Variants in PARD3B observed in about 807,000 individuals in gnomAD.
PARD3B encodes the protein par-3 family cell polarity regulator beta.
A neutral mutation model predicts 130.2 loss-of-function variants in PARD3B; 103 were observed. The observed-to-expected ratio is 0.79, with a 90% confidence interval of 0.67 to 0.93. The LOEUF is 0.93. PARD3B is among the 40% of genes least tolerant of loss of function. The pLI is 0.00. For missense variants in PARD3B, 1,609 were observed against 1,499.2 expected (o/e 1.07, Z -1.21); for synonymous variants, 583 against 553.2 (o/e 1.05, Z -0.76).
At chr2:204,714,777 A>T (rs574271625) in intron 2 of PARD3B, among the ~76,000 whole-genome samples, 18 of 152,302 alleles carry the variant, frequency 1.2e-4, no homozygotes, top group African/African-American at 3.8e-4. Context: ...ACACACCCAG[A>T]ATGAACCCAT....
At chr2:204,547,077 C>G (rs760356471) in intron 1 of PARD3B, among the ~76,000 whole-genome samples, 1 of 152,168 alleles carries the variant, frequency 6.6e-6, no homozygotes, top group Admixed American at 6.5e-5. Context: ...CAATGGTTCT[C>G]TTAATATTTG....
intron 15 of PARD3B, among the ~76,000 whole-genome samples, chr2:205,198,028 AC>A (rs1477121984): frequency 6.6e-6 from 1 of 152,154 alleles, no homozygotes; most frequent in Non-Finnish European, 1.5e-5. Flanking sequence ...GTGTTTTATG[AC>A]CCCATAATAC....
intron 2 of PARD3B, among the ~76,000 whole-genome samples, chr2:204,862,776 C>A (rs76614976): frequency 6.6e-6 from 1 of 152,094 alleles, no homozygotes; most frequent in Non-Finnish European, 1.5e-5. Context: ...AGGTTCTTGT[C>A]ACACGACCAG....
intron 15 of PARD3B, among the ~76,000 whole-genome samples, chr2:205,213,762 G>T (rs532995894): frequency 6.6e-6 from 1 of 152,102 alleles, no homozygotes; most frequent in Non-Finnish European, 1.5e-5. Flanking sequence ...TTTGGGAAAG[G>T]CTGATAAAAA....
intron 18 of PARD3B, among the ~76,000 whole-genome samples, chr2:205,302,726 T>C (rs2042054480): frequency 6.6e-6 from 1 of 152,062 alleles, no homozygotes; most frequent in Non-Finnish European, 1.5e-5. Flanking sequence ...ACTTGTCACC[T>C]CCAGAGGCAC....
At chr2:205,006,536 T>C (rs939193719) in intron 3 of PARD3B, among the ~76,000 whole-genome samples, 5 of 152,232 alleles carry the variant, frequency 3.3e-5, no homozygotes, top group Non-Finnish European at 4.4e-5. Flanking sequence ...ATAGTGGTTT[T>C]AATTTTTGCA....
At chr2:204,824,046 A>G (rs1351265368) in intron 2 of PARD3B, among the ~76,000 whole-genome samples, 14 of 152,164 alleles carry the variant, frequency 9.2e-5, no homozygotes, top group Non-Finnish European at 4.4e-5. Flanking sequence ...AGTTCTGAAG[A>G]TAAAGCACTT....
intron 2 of PARD3B, among the ~76,000 whole-genome samples, chr2:204,800,521 G>T (rs1187697379): frequency 6.6e-6 from 1 of 152,128 alleles, no homozygotes. Context: ...CAGGGTTTAA[G>T]TACAAGAGTG....
intron 2 of PARD3B, among the ~76,000 whole-genome samples, chr2:204,694,446 T>C (rs979466613): frequency 6.6e-6 from 1 of 152,070 alleles, no homozygotes; most frequent in African/African-American, 2.4e-5. Context: ...GATGATTGTT[T>C]AAAATATTTT....
chr2:205,614,043 C>CA (rs760956092), intron 22 of PARD3B, among the ~76,000 whole-genome samples: 2 of 151,860 alleles, frequency 1.3e-5, no homozygotes, highest in Non-Finnish European at 2.9e-5. Context: ...GGGGGAGTGG[C>CA]AAAAAAATGG....
chr2:205,110,069 T>G (rs985079200), intron 5 of PARD3B, among the ~76,000 whole-genome samples: 1 of 152,156 alleles, frequency 6.6e-6, no homozygotes, highest in Non-Finnish European at 1.5e-5. Flanking sequence ...GGGATACACT[T>G]TCTCTGTAAT....
intron 4 of PARD3B, among the ~76,000 whole-genome samples, chr2:205,052,617 A>C (rs1699303701): frequency 6.6e-6 from 1 of 151,642 alleles, no homozygotes; most frequent in Admixed American, 6.6e-5. Flanking sequence ...AGAATAACAA[A>C]AAATCAACCA....
At chr2:205,103,822 C>G (rs1353878413) in intron 4 of PARD3B, 1 of 826,342 alleles carries the variant, frequency 1.2e-6, no homozygotes, top group Non-Finnish European at 1.5e-6. Flanking sequence ...CCTCTCTGAC[C>G]CTCTAACCTT....
intron 2 of PARD3B, among the ~76,000 whole-genome samples, chr2:204,759,074 A>G (rs1447838026): frequency 2.0e-5 from 3 of 152,124 alleles, no homozygotes; most frequent in Non-Finnish European, 4.4e-5. Context: ...CCTAATATCT[A>G]AGCTATCAGG....
chr2:205,172,079 T>G, intron 11 of PARD3B, 132 bp from the exon 12 acceptor site: 1 of 837,044 alleles, frequency 1.2e-6, no homozygotes, highest in South Asian at 2.0e-5. Context: ...CCATGGAAAA[T>G]AAATCACTTC....
At chr2:204,620,848 A>G (rs567979445) in intron 1 of PARD3B, among the ~76,000 whole-genome samples, 1 of 152,268 alleles carries the variant, frequency 6.6e-6, no homozygotes, top group South Asian at 2.1e-4. Context: ...GAATGGGGCA[A>G]GGAACAGAGG....
At chr2:204,886,733 A>G (rs1386555597) in intron 2 of PARD3B, among the ~76,000 whole-genome samples, 11 of 152,344 alleles carry the variant, frequency 7.2e-5, no homozygotes, top group African/African-American at 2.2e-4. Context: ...AGAGCCCCAT[A>G]AAAACGATTT....
chr2:204,710,142 T>G (rs1276476148), intron 2 of PARD3B, among the ~76,000 whole-genome samples: 2 of 152,216 alleles, frequency 1.3e-5, no homozygotes, highest in Non-Finnish European at 2.9e-5. Context: ...GTCTTCTTCC[T>G]TCTTTTCTTA....
At chr2:204,984,182 A>C (rs552532623) in intron 3 of PARD3B, among the ~76,000 whole-genome samples, 1 of 152,244 alleles carries the variant, frequency 6.6e-6, no homozygotes, top group East Asian at 1.9e-4. Context: ...TCAAATTAGC[A>C]AAAGAATTAA....
Sources: gnomAD v4.1 joint callset for allele counts (sites outside exome capture counted in the v4.1 genomes callset) on GRCh38, gnomAD v4.1.1 for gene constraint, MANE v1.5 for transcripts, NCBI Gene and HGNC (gene_info 2026-07-23, HGNC 2026-07-21) for gene names.